CAMK4: variants seen among roughly 807,000 people sequenced by gnomAD.
CAMK4 encodes calcium/calmodulin dependent protein kinase IV.
In CAMK4, 22 loss-of-function variants were observed where a neutral mutation model predicts 44.9. The ratio of observed to expected loss-of-function variants is 0.49; its 90% CI spans 0.35 to 0.70. The LOEUF (loss-of-function observed/expected upper bound fraction) is 0.70. CAMK4 is among the 30% of genes least tolerant of loss of function. The pLI is 0.01. For missense variants in CAMK4, 498 were observed against 586.8 expected (o/e 0.85, Z 1.56); for synonymous variants, 218 against 215.4 (o/e 1.01, Z -0.11).
At chr5:111,378,666 A>G (rs1349296556) in intron 4 of CAMK4, among the ~76,000 whole-genome samples, 1 of 152,198 alleles carries the variant, frequency 6.6e-6, no homozygotes, top group African/African-American at 2.4e-5. Context: ...TTTTAAGAAT[A>G]ATAAGTCAGC....
intron 5 of CAMK4, among the ~76,000 whole-genome samples, chr5:111,395,211 CAAAAAAAAAAAAAAAAGA>C (rs1418963982): frequency 2.2e-5 from 2 of 90,680 alleles, no homozygotes; most frequent in African/African-American, 7.4e-5. Flanking sequence ...GACCCTGTCT[CAAAAAAAAAAAAAAAAGA>C]AAAAAAAAAA....
At chr5:111,465,197 T>C (rs1754781906) in intron 7 of CAMK4, among the ~76,000 whole-genome samples, 1 of 151,788 alleles carries the variant, frequency 6.6e-6, no homozygotes, top group Non-Finnish European at 1.5e-5. Flanking sequence ...GGGTTGCACT[T>C]AAGGCAGTGC....
intron 1 of CAMK4, among the ~76,000 whole-genome samples, chr5:111,261,864 T>A (rs968565724): frequency 6.6e-5 from 10 of 152,180 alleles, no homozygotes; most frequent in Admixed American, 2.0e-4. Context: ...GACTATGATC[T>A]TCTTAAAAGT....
intron 1 of CAMK4, among the ~76,000 whole-genome samples, chr5:111,311,332 A>G (rs1440218073): frequency 1.3e-5 from 2 of 152,214 alleles, no homozygotes; most frequent in East Asian, 1.9e-4. Context: ...TCCTTAGAGA[A>G]GACTTGCTGA....
intron 1 of CAMK4, among the ~76,000 whole-genome samples, chr5:111,284,176 C>T (rs1751138527): frequency 6.6e-6 from 1 of 152,010 alleles, no homozygotes; most frequent in Non-Finnish European, 1.5e-5. Flanking sequence ...CTCTATTGGC[C>T]AGAAAATTTT....
intron 1 of CAMK4, among the ~76,000 whole-genome samples, chr5:111,334,820 A>C (rs1043093443): frequency 7.9e-5 from 12 of 151,588 alleles, no homozygotes; most frequent in African/African-American, 2.9e-4. Context: ...CAAAAGAATA[A>C]AATCAAACCA....
At chr5:111,417,915 G>A (rs1752872167) in intron 5 of CAMK4, among the ~76,000 whole-genome samples, 1 of 151,976 alleles carries the variant, frequency 6.6e-6, no homozygotes, top group African/African-American at 2.4e-5. Context: ...TGTCATTGGA[G>A]ACTATTGTAA....
intron 5 of CAMK4, among the ~76,000 whole-genome samples, chr5:111,410,208 TA>T (rs1004354281): frequency 6.6e-6 from 1 of 151,830 alleles, no homozygotes; most frequent in African/African-American, 2.4e-5. Context: ...GAAAGAGGTT[TA>T]ATTGACCCAC....
At chr5:111,385,911 A>G (rs917522220) in intron 4 of CAMK4, among the ~76,000 whole-genome samples, 29 of 152,052 alleles carry the variant, frequency 1.9e-4, no homozygotes, top group Middle Eastern at 3.2e-3. Flanking sequence ...CCTTTTATCT[A>G]TAGTATGAGA....
At chr5:111,370,317 T>C (rs1041508061) in intron 2 of CAMK4, among the ~76,000 whole-genome samples, 1 of 152,166 alleles carries the variant, frequency 6.6e-6, no homozygotes, top group African/African-American at 2.4e-5. Context: ...TTTTAATATG[T>C]AATATGCCCT....
intron 1 of CAMK4, among the ~76,000 whole-genome samples, chr5:111,322,840 A>C (rs1437348666): frequency 6.6e-6 from 1 of 152,178 alleles, no homozygotes; most frequent in South Asian, 2.1e-4. Context: ...TGGGAATTTT[A>C]GAATTGAAAA....
At chr5:111,425,181 A>AT (rs1237738825) in intron 5 of CAMK4, among the ~76,000 whole-genome samples, 1 of 151,760 alleles carries the variant, frequency 6.6e-6, no homozygotes, top group Non-Finnish European at 1.5e-5. Context: ...AAAAAAAAAA[A>AT]AGTTTAACAT....
At chr5:111,329,807 ATC>A (rs1352207329) in intron 1 of CAMK4, among the ~76,000 whole-genome samples, 1 of 151,748 alleles carries the variant, frequency 6.6e-6, no homozygotes, top group African/African-American at 2.4e-5. Flanking sequence ...AGAAAAATAA[ATC>A]TCTCAGCAAA....
At chr5:111,366,727 T>C (rs1750806858) in intron 2 of CAMK4, among the ~76,000 whole-genome samples, 1 of 152,140 alleles carries the variant, frequency 6.6e-6, no homozygotes, top group African/African-American at 2.4e-5. Context: ...TTATACCTCT[T>C]ATCTACTTCT....
chr5:111,452,478 G>A (rs1485354268), intron 7 of CAMK4, among the ~76,000 whole-genome samples: 1 of 152,102 alleles, frequency 6.6e-6, no homozygotes, highest in Non-Finnish European at 1.5e-5. Context: ...GAAAGGGATA[G>A]AAAGAAAACA....
chr5:111,324,405 A>G (rs969516015), intron 1 of CAMK4, among the ~76,000 whole-genome samples: 1 of 152,058 alleles, frequency 6.6e-6, no homozygotes, highest in African/African-American at 2.4e-5. Flanking sequence ...TATTTAGCTG[A>G]TGATAAAATA....
chr5:111,480,988 G>A (rs868516009), intron 9 of CAMK4, among the ~76,000 whole-genome samples: 7 of 152,114 alleles, frequency 4.6e-5, no homozygotes, highest in Admixed American at 2.0e-4. Context: ...TTGTGTCATC[G>A]GCAGAGACTA....
intron 1 of CAMK4, among the ~76,000 whole-genome samples, chr5:111,247,773 T>C (rs770688616): frequency 6.6e-6 from 1 of 152,178 alleles, no homozygotes; most frequent in African/African-American, 2.4e-5. Flanking sequence ...GTTAACTGTA[T>C]TTATAAAATA....
intron 4 of CAMK4, among the ~76,000 whole-genome samples, chr5:111,384,879 T>C (rs1040335095): frequency 6.6e-6 from 1 of 152,110 alleles, no homozygotes; most frequent in Non-Finnish European, 1.5e-5. Flanking sequence ...AGTCAATACT[T>C]TTAAACATGA....
Sources: allele counts gnomAD v4.1 joint callset (sites outside exome capture counted in the v4.1 genomes callset), GRCh38; gene constraint gnomAD v4.1.1; transcripts MANE v1.5; gene names NCBI Gene and HGNC (gene_info 2026-07-23, HGNC 2026-07-21).